FUT8: variants seen among roughly 807,000 people sequenced by gnomAD.
FUT8 encodes alpha-(1,6)-fucosyltransferase.
A neutral mutation model predicts 71.3 loss-of-function variants in FUT8; 29 were observed. That is an observed-to-expected ratio of 0.41 (90% CI 0.30 to 0.55). FUT8 has a LOEUF of 0.55. FUT8 is among the 20% of genes least tolerant of loss of function. FUT8 has a pLI of 0.34. For missense variants in FUT8, 544 were observed against 702.1 expected (o/e 0.77, Z 2.55); for synonymous variants, 254 against 239.3 (o/e 1.06, Z -0.57).
chr14:65,724,790 C>T (rs768560440), intron 9 of FUT8, among the ~76,000 whole-genome samples: 14 of 152,148 alleles, frequency 9.2e-5, no homozygotes, highest in Non-Finnish European at 1.6e-4. Context: ...ACTCTGTGCT[C>T]TTGTGACCTC....
chr14:65,742,168 A>G lies in FUT8; in HGVS notation c.1486A>G (p.Ile496Val), dbSNP rs753032551. The change falls in exon 11 of 11, where the codon ATC (isoleucine) becomes GTC (valine). Residue 496 changes from isoleucine to valine, a missense_variant. Transcript: ENST00000673929. ...ASANFHSLDDIYYFGGQNAHN... is the reference protein window; with the variant it reads ...ASANFHSLDDVYYFGGQNAHN... ...TGCAAACTTCCATTCTTTAGATGAC[A>G]TCTACTATTTTGGGGGCCAGAATGC... The G allele has an allele frequency of 1.9e-6, 3 of 1,612,964 alleles. No homozygotes were observed. Among genetic ancestry groups the G allele is most frequent in the Admixed American group, 3.3e-5 (2 of 59,858 alleles).
At chr14:65,623,400 T>G (rs1889729285) in intron 5 of FUT8, among the ~76,000 whole-genome samples, 1 of 151,984 alleles carries the variant, frequency 6.6e-6, no homozygotes, top group Non-Finnish European at 1.5e-5. Flanking sequence ...CTGTCATAGG[T>G]GGCTTGCTTT....
At chr14:65,518,164 A>G (rs941665417) in intron 2 of FUT8, among the ~76,000 whole-genome samples, 3 of 152,328 alleles carry the variant, frequency 2.0e-5, no homozygotes, top group East Asian at 1.9e-4. Flanking sequence ...ACACTGGAAT[A>G]CTAGCATGAG....
At chr14:65,362,690 TG>T in the FUT8 span, among the ~76,000 whole-genome samples, 8 of 152,008 alleles carry the variant, frequency 5.3e-5, no homozygotes, top group African/African-American at 1.2e-4. Flanking sequence ...TAGCCGGGCG[TG>T]GTGGCTCACA....
chr14:65,379,827 T>G, the FUT8 span, among the ~76,000 whole-genome samples: 3 of 152,196 alleles, frequency 2.0e-5, no homozygotes, highest in African/African-American at 7.2e-5. Context: ...ATTTGATACC[T>G]GGTGAGGGCC....
At chr14:65,513,258 G>T (rs1882483689) in intron 2 of FUT8, among the ~76,000 whole-genome samples, 1 of 152,182 alleles carries the variant, frequency 6.6e-6, no homozygotes, top group South Asian at 2.1e-4. Flanking sequence ...GTTAAGTGCT[G>T]TATTGTTATC....
At chr14:65,384,209 T>G in the FUT8 span, among the ~76,000 whole-genome samples, 1 of 152,076 alleles carries the variant, frequency 6.6e-6, no homozygotes, top group African/African-American at 2.4e-5. The surrounding 1 kb of genome is among the most constrained non-coding windows in gnomAD (Gnocchi z 4.2). Flanking sequence ...GTGGAGAAAT[T>G]AAATGGATAA....
At chr14:65,719,363 A>G (rs1267348099) in intron 7 of FUT8, among the ~76,000 whole-genome samples, 3 of 152,124 alleles carry the variant, frequency 2.0e-5, no homozygotes, top group African/African-American at 7.2e-5. Flanking sequence ...TCTTTGTGTT[A>G]TCTTGAACTT....
intron 1 of FUT8, among the ~76,000 whole-genome samples, chr14:65,428,037 G>A (rs2065415675): frequency 6.6e-6 from 1 of 152,204 alleles, no homozygotes; most frequent in South Asian, 2.1e-4. Context: ...AGGAGACTTG[G>A]ATACTAGTAG....
At chr14:65,477,417 T>C (rs2066263359) in intron 2 of FUT8, among the ~76,000 whole-genome samples, 1 of 152,246 alleles carries the variant, frequency 6.6e-6, no homozygotes, top group African/African-American at 2.4e-5. Context: ...TAAGACTAGA[T>C]GCTCAGGAGC....
At chr14:65,613,238 G>A (rs1279699335) in intron 3 of FUT8, among the ~76,000 whole-genome samples, 1 of 152,006 alleles carries the variant, frequency 6.6e-6, no homozygotes, top group Non-Finnish European at 1.5e-5. Context: ...GGAGAACCTA[G>A]ACATAATCTT....
chr14:65,700,027 A>G (rs1355786359), intron 7 of FUT8, among the ~76,000 whole-genome samples: 1 of 152,190 alleles, frequency 6.6e-6, no homozygotes, highest in Non-Finnish European at 1.5e-5. Context: ...TACTGCAAGG[A>G]AAAGAAATAA....
intron 7 of FUT8, among the ~76,000 whole-genome samples, chr14:65,677,144 GTGTGTGTGCGCGCGCGCA>G (rs1892766572): frequency 1.7e-5 from 2 of 114,882 alleles, no homozygotes; most frequent in African/African-American, 6.3e-5. Context: ...GTGTGTGTGT[GTGTGTGTGCGCGCGCGCA>G]TGCGCGCGCA....
intron 6 of FUT8, among the ~76,000 whole-genome samples, chr14:65,642,511 G>A (rs1166313985): frequency 6.6e-6 from 1 of 150,892 alleles, no homozygotes; most frequent in African/African-American, 2.4e-5. Context: ...GCTGAGGCAG[G>A]AGAATCTCTT....
intron 3 of FUT8, among the ~76,000 whole-genome samples, chr14:65,614,704 T>A (rs1889189166): frequency 2.0e-5 from 3 of 152,188 alleles, no homozygotes; most frequent in African/African-American, 7.2e-5. Flanking sequence ...TGTAGTAAAA[T>A]CTTCTTCTAC....
At position 65,742,909 on chromosome 14, in the gene FUT8, G is replaced by GT. The variant is rs57486313; in HGVS notation, c.*508dup. ...GATTCAGAATGAGAATGGACGTTTG[G>GT]TTTTTTTTTGTTTTTGTTTTTGTTT... is the stretch of plus-strand genomic sequence containing the variant. On this transcript the variant is annotated 3_prime_UTR_variant, in exon 11 of 11. Transcript: ENST00000673929. 446 of 148,910 alleles carry GT rather than the reference G, an allele frequency of 3.0e-3. 2 individuals are homozygous for GT. The Middle Eastern group carries it at 0.052, about 17-fold the overall frequency. The allele number at this position is 148,910 out of a possible 1,614,324, so 9.2% of individuals were successfully genotyped here.
chr14:65,601,893 A>G (rs1888306460), intron 3 of FUT8, among the ~76,000 whole-genome samples: 1 of 152,128 alleles, frequency 6.6e-6, no homozygotes, highest in South Asian at 2.1e-4. Context: ...ACAAGTATTG[A>G]TATTTTGCCA....
intron 1 of FUT8, among the ~76,000 whole-genome samples, chr14:65,443,409 C>A (rs368973132): frequency 3.5e-4 from 48 of 136,098 alleles, no homozygotes; most frequent in Admixed American, 3.7e-4. Context: ...GACTCCATCT[C>A]AAAAAAAAAA....
intron 2 of FUT8, among the ~76,000 whole-genome samples, chr14:65,552,061 A>G (rs1289611848): frequency 6.6e-6 from 1 of 152,190 alleles, no homozygotes; most frequent in Non-Finnish European, 1.5e-5. Flanking sequence ...CACTGTACAT[A>G]TATTTTGATT....
Sources: allele counts gnomAD v4.1 joint callset (sites outside exome capture counted in the v4.1 genomes callset), GRCh38; gene constraint gnomAD v4.1.1; non-coding constraint Gnocchi (gnomAD v3.1); transcripts MANE v1.5; gene names NCBI Gene and HGNC (gene_info 2026-07-23, HGNC 2026-07-21).